Variants in CHD9 observed in about 807,000 individuals in gnomAD.
CHD9 encodes the protein ATP-dependent chromatin remodeler CHD9.
CHD9 carries 77 observed loss-of-function variants against 316.1 expected under a neutral mutation model. The ratio of observed to expected loss-of-function variants is 0.24; its 90% CI spans 0.20 to 0.29. The LOEUF (loss-of-function observed/expected upper bound fraction) is 0.29. CHD9 is among the 10% of genes least tolerant of loss of function. The pLI is 1.00. For missense variants in CHD9, 2,763 were observed against 3,438.1 expected (o/e 0.80, Z 4.91); for synonymous variants, 1,129 against 1,158.3 (o/e 0.97, Z 0.51).
rs145504622 is a variant in CHD9, at chr16:53,111,673, A to T, written c.-164-44253A>T. 7.3e-3 allele frequency among the ~76,000 whole-genome samples: 1,116 copies of T among 152,228 alleles called. 9 individuals carry two copies. The highest frequency in any genetic ancestry group is 0.025 in the African/African-American group (1,044 of 41,546). ...TCCAGTTCAATAGCTTGTATTGGGG[A>T]ATTTTCTTTTTTGTTTTGGTGAACA... On this transcript the variant is annotated intron_variant, in intron 1 of 38. Coordinates refer to ENST00000447540, the MANE Select transcript of CHD9 (RefSeq NM_001308319.2).
chr16:53,133,307 A>G (rs971843832), intron 1 of CHD9, among the ~76,000 whole-genome samples: 15 of 152,194 alleles, frequency 9.9e-5, no homozygotes, highest in Non-Finnish European at 1.9e-4. Context: ...AGTCAAAAAC[A>G]TACTAAGTAA....
At position 53,304,303 on chromosome 16, in the gene CHD9, A is replaced by G. The variant is rs1367779884; in HGVS notation, c.6297A>G (p.Glu2099=). The change falls in exon 31 of 39, where the codon GAA becomes GAG. Residue 2099 remains glutamate, a synonymous_variant. Coordinates refer to ENST00000447540, the MANE Select transcript of CHD9 (RefSeq NM_001308319.2). ...TGDQKSGGKC[E]TDRRMVAART... ...ACCAGAAATCTGGTGGAAAATGTGA[A>G]ACAGACAGACGCATGGTTGCAGCCA... 1 of 1,612,014 alleles carries G rather than the reference A, an allele frequency of 6.2e-7. No individual in the cohort carries two copies. The highest frequency in any genetic ancestry group is 8.5e-7 in the Non-Finnish European group (1 of 1,179,804).
At chr16:53,255,873 A>G in intron 19 of CHD9, 94 bp downstream of exon 19, 5 of 1,181,740 alleles carry the variant, frequency 4.2e-6, no homozygotes, top group Non-Finnish European at 6.0e-6. Context: ...ATGTTTAAAC[A>G]TACTGAATTA....
At chr16:53,174,260 C>G (rs1042451503) in intron 2 of CHD9, among the ~76,000 whole-genome samples, 8 of 152,162 alleles carry the variant, frequency 5.3e-5, no homozygotes, top group Admixed American at 2.0e-4. Context: ...GACTGCAGTC[C>G]AGCCTGGTTG....
chr16:53,074,379 G>A (rs569365737), intron 1 of CHD9, among the ~76,000 whole-genome samples: 24 of 152,236 alleles, frequency 1.6e-4, no homozygotes, highest in Non-Finnish European at 2.9e-4. Context: ...TTTCTGAGGA[G>A]ACATTCAAGC....
At chr16:53,162,618 GAT>G (rs2041991829) in intron 2 of CHD9, among the ~76,000 whole-genome samples, 3 of 141,598 alleles carry the variant, frequency 2.1e-5, no homozygotes, top group Non-Finnish European at 3.2e-5. Context: ...AGAATTTTAA[GAT>G]ATACTCATAC....
Position 53,260,392 on chromosome 16 carries a change from T to C in CHD9, c.4210-2595T>C, listed in dbSNP as rs142115698. On this transcript the variant is annotated intron_variant, in intron 19 of 38. Transcript: ENST00000447540. ...TACTTGGGAGGCTGAGGCAGGAGGA[T>C]TGTTTGAGACCAAGAGCTAGAGGCT... 1.9e-3 allele frequency among the ~76,000 whole-genome samples: 284 copies of C among 152,266 alleles called. 1 individual carries two copies. Among genetic ancestry groups the C allele is most frequent in the Middle Eastern group, 6.8e-3 (2 of 294 alleles).
intron 2 of CHD9, among the ~76,000 whole-genome samples, chr16:53,201,437 A>G (rs1261831046): frequency 3.9e-5 from 6 of 152,122 alleles, no homozygotes. Context: ...TTCTCTCTAT[A>G]TAATCATTTA....
chr16:53,221,830 T>G (rs1434100967), intron 3 of CHD9, among the ~76,000 whole-genome samples: 1 of 152,118 alleles, frequency 6.6e-6, no homozygotes, highest in African/African-American at 2.4e-5. Flanking sequence ...GTCTTTCTAC[T>G]GTAGAGCAGA....
At chr16:53,094,842 T>C (rs1322107588) in intron 1 of CHD9, among the ~76,000 whole-genome samples, 1 of 152,124 alleles carries the variant, frequency 6.6e-6, no homozygotes, top group Admixed American at 6.5e-5. Context: ...TTTCGCCACG[T>C]TGGTCAGGTT....
chr16:53,087,882 A>T (rs1045072670), intron 1 of CHD9, among the ~76,000 whole-genome samples: 2 of 151,526 alleles, frequency 1.3e-5, no homozygotes, highest in Non-Finnish European at 2.9e-5. Flanking sequence ...CAGGAGGCTG[A>T]GTTTGCAGTG....
Position 53,156,272 on chromosome 16 carries a change from A to G in CHD9, c.183A>G (p.Thr61=). ...TGAACCATGTTCAAGGTACTCCAAC[A>G]CATCAGAAGATGACTGATTTTGAAC... ...DSLNHVQGTP[T]HQKMTDFEQL... is the part of the protein sequence containing the mutation. Residue 61 remains threonine, a synonymous_variant, in exon 2 of 39, where the codon ACA becomes ACG. Transcript: ENST00000447540. 2 of 1,613,986 alleles carry G rather than the reference A, an allele frequency of 1.2e-6. No individual in the cohort carries two copies. Among genetic ancestry groups the G allele is most frequent in the East Asian group, 2.2e-5 (1 of 44,886 alleles).
chr16:53,122,395 CTT>C (rs2038778893), intron 1 of CHD9, among the ~76,000 whole-genome samples: 1 of 152,108 alleles, frequency 6.6e-6, no homozygotes, highest in African/African-American at 2.4e-5. Flanking sequence ...AATCTTCAAA[CTT>C]TAAAAATTAT....
Position 53,227,382 on chromosome 16 carries a change from C to T in CHD9, c.2044-14C>T, listed in dbSNP as rs1436053642. ...GAATGTGTTCTGTCATTATTTCTTT[C>T]CTCCCTCCCATAGGAGAATCCGAGT... On this transcript the variant is annotated splice_polypyrimidine_tract_variant and intron_variant, in intron 5 of 38. Coordinates refer to ENST00000447540, the MANE Select transcript of CHD9 (RefSeq NM_001308319.2). 2.0e-6 allele frequency: 3 copies of T among 1,528,456 alleles called. No homozygotes were observed. In the African/African-American group the frequency reaches 4.1e-5, roughly 21 times the overall value. The allele number at this position is 1,528,456 out of a possible 1,614,324, so 94.7% of individuals were successfully genotyped here. A position where few individuals can be genotyped will look rare whatever the true frequency, so the allele number is the denominator to read the frequency against.
chr16:53,086,520 G>C (rs896261734), intron 1 of CHD9, among the ~76,000 whole-genome samples: 2 of 152,180 alleles, frequency 1.3e-5, no homozygotes, highest in African/African-American at 4.8e-5. Context: ...GAAGGCAGGA[G>C]ACATTGGAAG....
intron 33 of CHD9, 56 bp downstream of exon 33, chr16:53,308,009 T>C: frequency 6.9e-7 from 1 of 1,448,328 alleles, no homozygotes; most frequent in Middle Eastern, 1.8e-4. Flanking sequence ...TGCAGCATGC[T>C]TTTCCTGCAA....
intron 1 of CHD9, chr16:53,122,067 A>C (rs1325289669): frequency 6.6e-6 from 1 of 152,176 alleles, no homozygotes; most frequent in African/African-American, 2.4e-5. Context: ...AGATGAAAAA[A>C]CATACTTTAA....
chr16:53,068,603 C>T (rs138380122), intron 1 of CHD9, among the ~76,000 whole-genome samples: 1 of 152,304 alleles, frequency 6.6e-6, no homozygotes, highest in Non-Finnish European at 1.5e-5. Flanking sequence ...TGGGAACTGC[C>T]ACAGCACCCA....
chr16:53,148,039 A>G (rs2040775414), intron 1 of CHD9, among the ~76,000 whole-genome samples: 1 of 151,904 alleles, frequency 6.6e-6, no homozygotes, highest in Non-Finnish European at 1.5e-5. Flanking sequence ...CCCTGTGTCT[A>G]CTAAAAATAA....
Sources: allele counts gnomAD v4.1 joint callset (sites outside exome capture counted in the v4.1 genomes callset), GRCh38; gene constraint gnomAD v4.1.1; transcripts MANE v1.5; gene names NCBI Gene and HGNC (gene_info 2026-07-23, HGNC 2026-07-21).